The following RTRAF variants were observed in gnomAD, a reference collection of about 807,000 sequenced individuals.
The protein encoded by RTRAF is tRNA-splicing ligase complex subunit RTRAF.
In RTRAF, 14 loss-of-function variants were observed where a neutral mutation model predicts 34.4. The observed-to-expected ratio is 0.41, with a 90% confidence interval of 0.27 to 0.64. The LOEUF (loss-of-function observed/expected upper bound fraction) is 0.64, where lower values mean the gene tolerates loss of function less well. Among genes scored for constraint, RTRAF ranks in the 30% least tolerant of loss-of-function variants. RTRAF has a pLI of 0.34. For synonymous variants in RTRAF, 96 were observed against 95.3 expected, an observed-to-expected ratio of 1.01 and a Z score of -0.04; for missense variants, 291 against 288.4, an observed-to-expected ratio of 1.01 and a Z score of -0.06.
At chr14:51,991,702 G>A (rs1234473594) in intron 2 of RTRAF, among the ~76,000 whole-genome samples, 1 of 152,170 alleles carries the variant, frequency 6.6e-6, no homozygotes, top group Non-Finnish European at 1.5e-5. Context: ...AAATAATGAT[G>A]TAAATATTTC....
At position 51,989,553 on chromosome 14, in the gene RTRAF, C is replaced by G; in HGVS notation, c.-87C>G. ...ACTCAGCGCCTGCCCGCCCTCTCGC[C>G]GCGTCGCCGGTGCCTGCGCCTCCCG... On this transcript the variant is annotated 5_prime_UTR_variant, in exon 1 of 8. Coordinates refer to ENST00000261700, the MANE Select transcript of RTRAF (RefSeq NM_016039.3). 7.0e-7 allele frequency: 1 copy of G among 1,420,048 alleles called. No homozygotes were observed. The highest frequency in any genetic ancestry group is 9.6e-7 in the Non-Finnish European group (1 of 1,039,772). The allele number at this position is 1,420,048 out of a possible 1,614,324, so 88.0% of individuals were successfully genotyped here. A position where few individuals can be genotyped will look rare whatever the true frequency, so the allele number is the denominator to read the frequency against.
chr14:52,004,024 C>A, intron 6 of RTRAF, 170 bp from the exon 7 acceptor site: 1 of 635,760 alleles, frequency 1.6e-6, no homozygotes. Flanking sequence ...AGGGAAAACT[C>A]GCTAATCACA....
intron 1 of RTRAF, 136 bp downstream of exon 1, chr14:51,989,836 TG>T: frequency 1.2e-6 from 1 of 808,342 alleles, no homozygotes; most frequent in Non-Finnish European, 1.9e-6. Context: ...CCCTCTCCTC[TG>T]GGTCGCCACG....
chr14:51,993,527 A>T (rs1890468235), intron 2 of RTRAF, among the ~76,000 whole-genome samples, 196 bp from the exon 3 acceptor site: 1 of 152,128 alleles, frequency 6.6e-6, no homozygotes, highest in Non-Finnish European at 1.5e-5. Flanking sequence ...AAGTTGTCGT[A>T]TTCTATTTTT....
chr14:51,989,560 C>A lies in RTRAF; in HGVS notation c.-80C>A. On this transcript the variant is annotated 5_prime_UTR_variant, in exon 1 of 8. Transcript: ENST00000261700. ...GCCTGCCCGCCCTCTCGCCGCGTCG[C>A]CGGTGCCTGCGCCTCCCGCTCCACC... 1 of 1,462,110 alleles carries A rather than the reference C, an allele frequency of 6.8e-7. No homozygotes were observed. Among genetic ancestry groups the A allele is most frequent in the Non-Finnish European group, 9.3e-7 (1 of 1,075,860 alleles). The allele number at this position is 1,462,110 out of a possible 1,614,324, so 90.6% of individuals were successfully genotyped here.
At chr14:51,990,695 C>T (rs1402421705) in intron 1 of RTRAF, among the ~76,000 whole-genome samples, 1 of 152,120 alleles carries the variant, frequency 6.6e-6, no homozygotes, top group Non-Finnish European at 1.5e-5. Flanking sequence ...TGGGATATTA[C>T]CTACCTCAAA....
intron 6 of RTRAF, 126 bp from the exon 7 acceptor site, chr14:52,004,068 G>A: frequency 1.2e-6 from 1 of 801,344 alleles, no homozygotes; most frequent in Non-Finnish European, 2.1e-6. Flanking sequence ...AAAATTCCTA[G>A]TTCCCTTGCC....
At position 52,006,516 on chromosome 14, in the gene RTRAF, T is replaced by C. The variant is rs367591297; in HGVS notation, c.*2000T>C. The C allele has an allele frequency of 6.8e-6, 11 of 1,612,876 alleles. No individual in the cohort carries two copies. The highest frequency in any genetic ancestry group is 3.3e-4 in the Middle Eastern group (2 of 6,076). On this transcript the variant is annotated 3_prime_UTR_variant, in exon 8 of 8. Coordinates refer to ENST00000261700, the MANE Select transcript of RTRAF (RefSeq NM_016039.3). Reference sequence around the variant, plus strand: ...GGAACAGTTGGCCTTTTCAGGCTTGTCCAGAATTTGTGGGGCTCACCTCCT... The same window carrying C: ...GGAACAGTTGGCCTTTTCAGGCTTGCCCAGAATTTGTGGGGCTCACCTCCT...
intron 1 of RTRAF, 72 bp downstream of exon 1, chr14:51,989,772 C>G: frequency 3.4e-6 from 5 of 1,452,142 alleles, no homozygotes; most frequent in Non-Finnish European, 3.7e-6. Flanking sequence ...TGCCCGCACC[C>G]CACCTCCCCG....
At position 52,007,544 on chromosome 14, in the gene RTRAF, T is replaced by C. The variant is rs1890833136; in HGVS notation, c.*3028T>C. ...GTTTGTCAATTCAACAATGGCTAAT[T>C]CTTTTAACTGTTAAAAATATGCCAG... On this transcript the variant is annotated 3_prime_UTR_variant, in exon 8 of 8. Coordinates refer to ENST00000261700, the MANE Select transcript of RTRAF (RefSeq NM_016039.3). 2.4e-6 allele frequency: 1 copy of C among 420,220 alleles called. No individual in the cohort carries two copies. The highest frequency in any genetic ancestry group is 4.2e-6 in the Non-Finnish European group (1 of 235,994). 26.0% of individuals were successfully genotyped at this position (420,220 alleles called of 1,614,324 possible).
chr14:52,003,633 C>T (rs117641187), intron 6 of RTRAF, among the ~76,000 whole-genome samples: 116 of 152,148 alleles, frequency 7.6e-4, no homozygotes, highest in Middle Eastern at 3.4e-3. Flanking sequence ...TCCATAGGTG[C>T]TGAGTGGTTT....
chr14:51,989,835 C>A, intron 1 of RTRAF, 135 bp downstream of exon 1: 1 of 818,236 alleles, frequency 1.2e-6, no homozygotes. Flanking sequence ...CCCCTCTCCT[C>A]TGGGTCGCCA....
chr14:51,999,869 CTATTGA>C, intron 5 of RTRAF, 73 bp downstream of exon 5: 1 of 1,014,426 alleles, frequency 9.9e-7, no homozygotes, highest in Admixed American at 2.1e-5. Flanking sequence ...TAAATATTAA[CTATTGA>C]TATTAAAATT....
intron 1 of RTRAF, 86 bp downstream of exon 1, chr14:51,989,786 G>C: frequency 2.2e-6 from 3 of 1,387,402 alleles, no homozygotes; most frequent in Non-Finnish European, 2.9e-6. Context: ...CTCCCCGTCG[G>C]GACCCTCGGC....
In RTRAF at chr14:52,005,973, G is replaced by A. The variant is rs2140336914; in HGVS notation, c.*1457G>A. ...GGCAGCCTTCTCTGTCCCAGGGCTG[G>A]TGCTAAAGCCATACTGAAGTTTGAA... is the stretch of plus-strand genomic sequence containing the variant. On this transcript the variant is annotated 3_prime_UTR_variant, in exon 8 of 8. Coordinates refer to ENST00000261700, the MANE Select transcript of RTRAF (RefSeq NM_016039.3). The A allele has an allele frequency of 1.5e-6, 1 of 683,522 alleles. No individual in the cohort carries two copies. Among genetic ancestry groups the A allele is most frequent in the Non-Finnish European group, 2.6e-6 (1 of 381,346 alleles). 42.3% of individuals were successfully genotyped at this position (683,522 alleles called of 1,614,324 possible).
chr14:52,004,322 A>ATTT (rs1471613020), intron 7 of RTRAF, 40 bp from the exon 8 acceptor site: 2 of 1,609,548 alleles, frequency 1.2e-6, no homozygotes, highest in Non-Finnish European at 8.5e-7. Context: ...TTAAATGTAA[A>ATTT]AATTATGTAT....
intron 6 of RTRAF, among the ~76,000 whole-genome samples, chr14:52,002,777 A>G (rs1010280955): frequency 6.6e-6 from 1 of 152,068 alleles, no homozygotes; most frequent in Non-Finnish European, 1.5e-5. Flanking sequence ...CCCTTCCCCC[A>G]TCTCCCAATG....
chr14:52,004,004 C>T (rs979011916), intron 6 of RTRAF, 190 bp from the exon 7 acceptor site: 5 of 597,902 alleles, frequency 8.4e-6, no homozygotes, highest in African/African-American at 5.6e-5. Context: ...TCCCCCTAAC[C>T]GGTTGAAATA....
Position 52,007,532 on chromosome 14 carries a change from A to G in RTRAF, c.*3016A>G, listed in dbSNP as rs1191595614. Reference sequence around the variant, plus strand: ...AACTTCACTTAAGTTTGTCAATTCAACAATGGCTAATTCTTTTAACTGTTA... The same window carrying G: ...AACTTCACTTAAGTTTGTCAATTCAGCAATGGCTAATTCTTTTAACTGTTA... On this transcript the variant is annotated 3_prime_UTR_variant, in exon 8 of 8. Coordinates refer to ENST00000261700, the MANE Select transcript of RTRAF (RefSeq NM_016039.3). 1 of 392,512 alleles carries G rather than the reference A, an allele frequency of 2.5e-6. No homozygotes were observed. Among genetic ancestry groups the G allele is most frequent in the African/African-American group, 2.1e-5 (1 of 47,118 alleles). 24.3% of individuals were successfully genotyped at this position (392,512 alleles called of 1,614,324 possible).
Sources: allele counts gnomAD v4.1 joint callset (sites outside exome capture counted in the v4.1 genomes callset), GRCh38; gene constraint gnomAD v4.1.1; transcripts MANE v1.5; gene names NCBI Gene and HGNC (gene_info 2026-07-23, HGNC 2026-07-21).